The following UBE2D2 variants were observed in gnomAD, a reference collection of about 807,000 sequenced individuals.
The protein encoded by UBE2D2 is ubiquitin-conjugating enzyme E2 D2.
In UBE2D2, 2 loss-of-function variants were observed where a neutral mutation model predicts 24.2. That is an observed-to-expected ratio of 0.08 (90% CI 0.03 to 0.26). The LOEUF is 0.26. Among genes scored for constraint, UBE2D2 ranks in the 10% least tolerant of loss-of-function variants. The probability of loss-of-function intolerance (pLI) is 1.00; values close to 1 mark genes in which losing one functional copy is unlikely to be tolerated. For synonymous variants in UBE2D2, 58 were observed against 56.5 expected (o/e 1.03, Z -0.12); for missense variants, 44 against 177.6 (o/e 0.25, Z 4.28).
At chr5:139,610,726 A>T (rs1399625888) in intron 2 of UBE2D2, among the ~76,000 whole-genome samples, 3 of 151,756 alleles carry the variant, frequency 2.0e-5, no homozygotes, top group Non-Finnish European at 4.4e-5. Flanking sequence ...TAGAAAAATT[A>T]GCTGGGTATG....
intron 1 of UBE2D2, among the ~76,000 whole-genome samples, chr5:139,534,515 G>A (rs1245564450): frequency 2.0e-5 from 3 of 150,722 alleles, no homozygotes; most frequent in South Asian, 4.2e-4. Flanking sequence ...GCAGTGAGCC[G>A]AGATCGCGCC....
chr5:139,596,742 AAAT>A (rs371259673), intron 1 of UBE2D2, among the ~76,000 whole-genome samples: 11 of 151,054 alleles, frequency 7.3e-5, no homozygotes, highest in Non-Finnish European at 1.3e-4. Flanking sequence ...CTCTGCATTA[AAAT>A]AATAATAATA....
intron 1 of UBE2D2, among the ~76,000 whole-genome samples, chr5:139,550,954 T>C (rs1752912758): frequency 6.6e-6 from 1 of 152,068 alleles, no homozygotes; most frequent in African/African-American, 2.4e-5. Flanking sequence ...CAATTCCAGA[T>C]ACACCACAGT....
At chr5:139,536,778 C>T (rs1752686574) in intron 1 of UBE2D2, among the ~76,000 whole-genome samples, 1 of 152,176 alleles carries the variant, frequency 6.6e-6, no homozygotes, top group African/African-American at 2.4e-5. Context: ...GTGTGAGCCA[C>T]CGCACCCGGC....
chr5:139,619,538 T>C (rs182395701), intron 5 of UBE2D2, among the ~76,000 whole-genome samples: 6 of 152,260 alleles, frequency 3.9e-5, no homozygotes, highest in Admixed American at 3.9e-4. Context: ...TGCACTGCTA[T>C]AAAGAAATAC....
At chr5:139,566,849 G>A (rs2126651015) in intron 1 of UBE2D2, among the ~76,000 whole-genome samples, 1 of 151,078 alleles carries the variant, frequency 6.6e-6, no homozygotes, top group Middle Eastern at 3.4e-3. Context: ...TGGGCCCAGT[G>A]TTGCAATATC....
Position 139,591,970 on chromosome 5 carries a change from C to T in UBE2D2, c.25-8402C>T, listed in dbSNP as rs866142820. Among the ~76,000 whole-genome samples, 27 of 152,146 alleles carry T rather than the reference C, an allele frequency of 1.8e-4. No homozygotes were observed. In the Middle Eastern group the frequency reaches 0.014, roughly 77 times the overall value. ...ATTCCAGCACTTTGGGAGGCCGAGG[C>T]GGGCGGATCCCTTGAGGTCAGGAGT... On this transcript the variant is annotated intron_variant, in intron 1 of 6. Coordinates refer to ENST00000398733, the MANE Select transcript of UBE2D2 (RefSeq NM_003339.3).
chr5:139,614,388 C>T (rs1220431609), intron 2 of UBE2D2, among the ~76,000 whole-genome samples, 198 bp from the exon 3 acceptor site: 1 of 152,048 alleles, frequency 6.6e-6, no homozygotes, highest in African/African-American at 2.4e-5. Flanking sequence ...TTTCATTGAG[C>T]ACCTTATCAG....
At chr5:139,579,618 C>A (rs996577111) in intron 1 of UBE2D2, among the ~76,000 whole-genome samples, 3 of 152,044 alleles carry the variant, frequency 2.0e-5, no homozygotes, top group Admixed American at 1.3e-4. Context: ...AAAAGTCTTA[C>A]AATCAGTGAC....
upstream of UBE2D2, among the ~76,000 whole-genome samples, chr5:139,557,387 G>C (rs566450341): frequency 2.6e-4 from 40 of 151,948 alleles, 1 homozygote; most frequent in African/African-American, 9.2e-4. Flanking sequence ...CACCAGCCTC[G>C]GCTTCCCCAA....
chr5:139,554,135 A>G (rs2126641045), intron 1 of UBE2D2, among the ~76,000 whole-genome samples: 1 of 152,346 alleles, frequency 6.6e-6, no homozygotes, highest in Non-Finnish European at 1.5e-5. Flanking sequence ...AACCAAAACA[A>G]TAGAAAGAAC....
chr5:139,582,959 T>A (rs1017207088), intron 1 of UBE2D2, among the ~76,000 whole-genome samples: 2 of 151,190 alleles, frequency 1.3e-5, no homozygotes. Flanking sequence ...CGTGAGCCAC[T>A]GCGCCCGGCT....
At chr5:139,540,210 C>T (rs1196895113) in intron 1 of UBE2D2, among the ~76,000 whole-genome samples, 1 of 152,050 alleles carries the variant, frequency 6.6e-6, no homozygotes, top group African/African-American at 2.4e-5. Context: ...TGAGCCACCA[C>T]GCCGGGCTAT....
At chr5:139,596,397 G>A (rs935254392) in intron 1 of UBE2D2, among the ~76,000 whole-genome samples, 1 of 150,634 alleles carries the variant, frequency 6.6e-6, no homozygotes, top group Non-Finnish European at 1.5e-5. Flanking sequence ...GGGTTCAAGC[G>A]ATTCTCCTGC....
At chr5:139,595,597 C>T (rs1397071296) in intron 1 of UBE2D2, among the ~76,000 whole-genome samples, 2 of 151,932 alleles carry the variant, frequency 1.3e-5, no homozygotes, top group Middle Eastern at 3.2e-3. Context: ...AGGCTGGTCT[C>T]GAACTCCTGA....
chr5:139,622,135 A>T (rs776352113), intron 5 of UBE2D2, among the ~76,000 whole-genome samples: 8 of 152,148 alleles, frequency 5.3e-5, no homozygotes, highest in Non-Finnish European at 1.2e-4. Context: ...ACATCATGGG[A>T]TTGTTGTGAG....
intron 1 of UBE2D2, among the ~76,000 whole-genome samples, chr5:139,529,426 G>GA (rs1263353273): frequency 1.6e-4 from 24 of 152,070 alleles, no homozygotes; most frequent in Admixed American, 6.5e-4. Context: ...CTCTAGATTG[G>GA]AAAAAAAGTT....
At position 139,608,891 on chromosome 5, in the gene UBE2D2, C is replaced by T. The variant is rs533276863; in HGVS notation, c.89-5695C>T. On this transcript the variant is annotated intron_variant, in intron 2 of 6. Coordinates refer to ENST00000398733, the MANE Select transcript of UBE2D2 (RefSeq NM_003339.3). ...CCTGAAGTCAGGAGTTCGAGACCAG[C>T]CTAACCAACATGGTGAAACCCAGTC... Among the ~76,000 whole-genome samples the T allele has an allele frequency of 5.9e-5, 9 of 152,206 alleles. No individual in the cohort carries two copies. In the East Asian group the frequency reaches 1.7e-3, roughly 29 times the overall value.
intron 1 of UBE2D2, among the ~76,000 whole-genome samples, chr5:139,541,599 CAAAAAAA>C (rs892398676): frequency 1.5e-3 from 88 of 58,462 alleles, no homozygotes; most frequent in Middle Eastern, 0.011. Flanking sequence ...GACTCCATTT[CAAAAAAA>C]AAAAAAAAAA....
Sources: gnomAD v4.1 joint callset for allele counts (sites outside exome capture counted in the v4.1 genomes callset) on GRCh38, gnomAD v4.1.1 for gene constraint, MANE v1.5 for transcripts, NCBI Gene and HGNC (gene_info 2026-07-23, HGNC 2026-07-21) for gene names.